Variants in CFAP157 observed in about 807,000 individuals in gnomAD.
CFAP157 encodes the protein cilia and flagella associated protein 157, also known as cilia- and flagella-associated protein 157.
Under a neutral mutation model 57.8 loss-of-function variants are expected in CFAP157, and 43 were observed. That is an observed-to-expected ratio of 0.74 (90% CI 0.58 to 0.96). CFAP157 has a LOEUF of 0.96. CFAP157 is among the 40% of genes least tolerant of loss of function. The probability of loss-of-function intolerance (pLI) is 0.00; values close to 1 mark genes in which losing one functional copy is unlikely to be tolerated. For missense variants in CFAP157, 606 were observed against 655.3 expected (o/e 0.92, Z 0.82); for synonymous variants, 267 against 269.0 (o/e 0.99, Z 0.07).
chr9:127,715,874 T>C lies in CFAP157; in HGVS notation c.*1969T>C, dbSNP rs899747080. On this transcript the variant is annotated 3_prime_UTR_variant, in exon 9 of 9. Coordinates refer to ENST00000373295, the MANE Select transcript of CFAP157 (RefSeq NM_001012502.3). The surrounding 1 kb of genome is among the most constrained non-coding windows in gnomAD (Gnocchi z 5.8). ...GACTTGTGTGGGACGCTCGGAGCTC[T>C]TGCTTGACCTTCGGTTGGGAGGCCT... 6 of 858,218 alleles carry C rather than the reference T, an allele frequency of 7.0e-6. No individual in the cohort carries two copies. In the African/African-American group the frequency reaches 8.6e-5, roughly 12 times the overall value. The allele number at this position is 858,218 out of a possible 1,614,324, so 53.2% of individuals were successfully genotyped here.
rs2131602627 is a variant in CFAP157, at chr9:127,715,367, C to T, written c.*1462C>T. The T allele has an allele frequency of 2.4e-6, 3 of 1,237,094 alleles. No homozygotes were observed. Among genetic ancestry groups the T allele is most frequent in the Non-Finnish European group, 3.4e-6 (3 of 872,278 alleles). The allele number at this position is 1,237,094 out of a possible 1,614,324, so 76.6% of individuals were successfully genotyped here. On this transcript the variant is annotated 3_prime_UTR_variant, in exon 9 of 9. Coordinates refer to ENST00000373295, the MANE Select transcript of CFAP157 (RefSeq NM_001012502.3). The surrounding 1 kb of genome is among the most constrained non-coding windows in gnomAD (Gnocchi z 5.8). ...CCCCTGAGAACTCCAGAAGGCTGGG[C>T]AGGCAGGGCGCCCTAGTGCAGGAAC...
chr9:127,713,827 C>G lies in CFAP157; in HGVS notation c.1492-7C>G, dbSNP rs535374042. 6.2e-7 allele frequency: 1 copy of G among 1,613,130 alleles called. No individual in the cohort carries two copies. The highest frequency in any genetic ancestry group is 1.3e-5 in the African/African-American group (1 of 75,008). On this transcript the variant is annotated splice_region_variant and splice_polypyrimidine_tract_variant and intron_variant, in intron 8 of 8. Coordinates refer to ENST00000373295, the MANE Select transcript of CFAP157 (RefSeq NM_001012502.3). ...CGGCCTCCAAGCCAGCATCTTTAAT[C>G]TTACAGATGCGTGCCCCTGGTTCTC...
At position 127,709,545 on chromosome 9, in the gene CFAP157, G is replaced by A. The variant is rs1398266949; in HGVS notation, c.285G>A (p.Val95=). 1 of 1,614,144 alleles carries A rather than the reference G, an allele frequency of 6.2e-7. No homozygotes were observed. Among genetic ancestry groups the A allele is most frequent in the East Asian group, 2.2e-5 (1 of 44,882 alleles). The change falls in exon 2 of 9, where the codon GTG becomes GTA. Residue 95 remains valine, a synonymous_variant. Transcript: ENST00000373295. This position sits in a 1 kb window ranked among gnomAD's most constrained non-coding sequence, Gnocchi z 4.7. ...AFLKRTLNQQ[V]DEITDLNEQL... Reference sequence around the variant, plus strand: ...TCAAGCGCACGCTCAACCAGCAGGTGGATGAGATCACAGACCTCAACGAGC... The same window carrying A: ...TCAAGCGCACGCTCAACCAGCAGGTAGATGAGATCACAGACCTCAACGAGC...
Position 127,714,940 on chromosome 9 carries a change from G to GT in CFAP157, c.*1035_*1036insT. On this transcript the variant is annotated 3_prime_UTR_variant, in exon 9 of 9. Coordinates refer to ENST00000373295, the MANE Select transcript of CFAP157 (RefSeq NM_001012502.3). ...CCCGCGCCCCAACCCCCACCCCCTT[G>GT]GCCCGCCCGCCCACCCCTGGCGCTC... The GT allele has an allele frequency of 3.5e-6, 1 of 282,396 alleles. No homozygotes were observed. The highest frequency in any genetic ancestry group is 6.5e-6 in the Non-Finnish European group (1 of 153,794). 17.5% of individuals were successfully genotyped at this position (282,396 alleles called of 1,614,324 possible). A position where few individuals can be genotyped will look rare whatever the true frequency, so the allele number is the denominator to read the frequency against.
chr9:127,714,539 C>T lies in CFAP157; in HGVS notation c.*634C>T, dbSNP rs1842869307. The T allele has an allele frequency of 6.3e-7, 1 of 1,592,520 alleles. No homozygotes were observed. Among genetic ancestry groups the T allele is most frequent in the Non-Finnish European group, 8.6e-7 (1 of 1,160,882 alleles). ...TTCCTGTGGAGACTGGGTCAGCAGC[C>T]CTACTCCACCCCAACTGGGAGGCCT... is the stretch of plus-strand genomic sequence containing the variant. On this transcript the variant is annotated 3_prime_UTR_variant, in exon 9 of 9. Coordinates refer to ENST00000373295, the MANE Select transcript of CFAP157 (RefSeq NM_001012502.3).
At position 127,715,876 on chromosome 9, in the gene CFAP157, G is replaced by T; in HGVS notation, c.*1971G>T. On this transcript the variant is annotated 3_prime_UTR_variant, in exon 9 of 9. Transcript: ENST00000373295. This position sits in a 1 kb window ranked among gnomAD's most constrained non-coding sequence, Gnocchi z 5.8. ...CTTGTGTGGGACGCTCGGAGCTCTT[G>T]CTTGACCTTCGGTTGGGAGGCCTTG... The T allele has an allele frequency of 1.2e-6, 1 of 862,234 alleles. No homozygotes were observed. The highest frequency in any genetic ancestry group is 1.8e-6 in the Non-Finnish European group (1 of 569,238). 53.4% of individuals were successfully genotyped at this position (862,234 alleles called of 1,614,324 possible). A position where few individuals can be genotyped will look rare whatever the true frequency, so the allele number is the denominator to read the frequency against.
intron 8 of CFAP157, 34 bp from the exon 9 acceptor site, chr9:127,713,800 C>T (rs1479480507): frequency 1.3e-6 from 2 of 1,598,066 alleles, no homozygotes; most frequent in Middle Eastern, 1.7e-4. Context: ...AGCCACTGCA[C>T]CCGGCCTCCA....
chr9:127,715,847 G>C lies in CFAP157; in HGVS notation c.*1942G>C. 2.0e-6 allele frequency: 2 copies of C among 1,018,564 alleles called. No individual in the cohort carries two copies. The highest frequency in any genetic ancestry group is 1.4e-6 in the Non-Finnish European group (1 of 702,602). The allele number at this position is 1,018,564 out of a possible 1,614,324, so 63.1% of individuals were successfully genotyped here. On this transcript the variant is annotated 3_prime_UTR_variant, in exon 9 of 9. Coordinates refer to ENST00000373295, the MANE Select transcript of CFAP157 (RefSeq NM_001012502.3). The surrounding 1 kb of genome is among the most constrained non-coding windows in gnomAD (Gnocchi z 5.8). ...TAGCGCGGCGTCACAGTGTCCCTTC[G>C]GGACTTGTGTGGGACGCTCGGAGCT...
chr9:127,712,780 A>G lies in CFAP157; in HGVS notation c.1209A>G (p.Gln403=), dbSNP rs1322269136. 6.2e-7 allele frequency: 1 copy of G among 1,614,080 alleles called. No homozygotes were observed. The highest frequency in any genetic ancestry group is 2.2e-5 in the East Asian group (1 of 44,894). ...CATGGCACAAGGAGATGCTGCAGCA[A>G]CTGCTGGTCATGCTCAGCTCCACTG... ...FQPWHKEMLQ[Q]LLVMLSSTVA... The change falls in exon 7 of 9, where the codon CAA becomes CAG. Residue 403 remains glutamine, a synonymous_variant. Coordinates refer to ENST00000373295, the MANE Select transcript of CFAP157 (RefSeq NM_001012502.3).
chr9:127,709,033 G>A lies in CFAP157; in HGVS notation c.162-389G>A, dbSNP rs1210892819. 6.6e-5 allele frequency among the ~76,000 whole-genome samples: 10 copies of A among 152,184 alleles called. 1 individual carries two copies. Among genetic ancestry groups the A allele is most frequent in the Admixed American group, 6.5e-4 (10 of 15,284 alleles). ...ACTCAGAGTTCCTTTATCCTTCTGA[G>A]CCTCAGTTTCCTCATCTGTCAAATA... On this transcript the variant is annotated intron_variant, in intron 1 of 8. Coordinates refer to ENST00000373295, the MANE Select transcript of CFAP157 (RefSeq NM_001012502.3). This position sits in a 1 kb window ranked among gnomAD's most constrained non-coding sequence, Gnocchi z 4.7.
At position 127,715,886 on chromosome 9, in the gene CFAP157, CG is replaced by C; in HGVS notation, c.*1983del. On this transcript the variant is annotated 3_prime_UTR_variant, in exon 9 of 9. Transcript: ENST00000373295. The surrounding 1 kb of genome is among the most constrained non-coding windows in gnomAD (Gnocchi z 5.8). ...ACGCTCGGAGCTCTTGCTTGACCTTCGGTTGGGAGGCCTTGTTATGCCCCCC... is the reference window on the plus strand; with the variant it reads ...ACGCTCGGAGCTCTTGCTTGACCTTCGTTGGGAGGCCTTGTTATGCCCCCC... 1 of 817,194 alleles carries C rather than the reference CG, an allele frequency of 1.2e-6. No homozygotes were observed. The highest frequency in any genetic ancestry group is 3.5e-4 in the Middle Eastern group (1 of 2,862). 50.6% of individuals were successfully genotyped at this position (817,194 alleles called of 1,614,324 possible). A position where few individuals can be genotyped will look rare whatever the true frequency, so the allele number is the denominator to read the frequency against.
chr9:127,710,925 G>A (rs1842752254), intron 3 of CFAP157, among the ~76,000 whole-genome samples, 171 bp downstream of exon 3: 1 of 152,164 alleles, frequency 6.6e-6, no homozygotes, highest in African/African-American at 2.4e-5. Context: ...GGAGGGGTGG[G>A]AGAAAAGGAA....
rs995528905 is a variant in CFAP157, at chr9:127,715,895, G to A, written c.*1990G>A. The A allele has an allele frequency of 2.5e-6, 2 of 797,636 alleles. No individual in the cohort carries two copies. The highest frequency in any genetic ancestry group is 5.8e-5 in the Admixed American group (2 of 34,506). The allele number at this position is 797,636 out of a possible 1,614,324, so 49.4% of individuals were successfully genotyped here. On this transcript the variant is annotated 3_prime_UTR_variant, in exon 9 of 9. Transcript: ENST00000373295. The surrounding 1 kb of genome is among the most constrained non-coding windows in gnomAD (Gnocchi z 5.8). ...GCTCTTGCTTGACCTTCGGTTGGGA[G>A]GCCTTGTTATGCCCCCCGCTATGGC...
At position 127,713,075 on chromosome 9, in the gene CFAP157, A is replaced by G. The variant is rs776332587; in HGVS notation, c.1360A>G (p.Ile454Val). 4.3e-6 allele frequency: 7 copies of G among 1,613,758 alleles called. No homozygotes were observed. The highest frequency in any genetic ancestry group is 2.2e-5 in the East Asian group (1 of 44,896). Residue 454 changes from isoleucine (I) to valine (V), a missense_variant, in exon 8 of 9, where the codon ATC becomes GTC. Coordinates refer to ENST00000373295, the MANE Select transcript of CFAP157 (RefSeq NM_001012502.3). ...TGSLLPQLSD[I>V]TPYQPGDLGL... The stretch of plus-strand genomic sequence containing the variant: ...GTCTCTGCTGCCGCAGCTCTCTGAC[A>G]TCACCCCCTACCAGCCGGGGGATCT...
At position 127,709,502 on chromosome 9, in the gene CFAP157, A is replaced by G; in HGVS notation, c.242A>G (p.Lys81Arg). The stretch of plus-strand genomic sequence containing the variant: ...TTTGAGCAGCTGGCCAATAACAAGA[A>G]GGAGATTGTGGCCTTCCTCAAGCGC... Reference protein sequence around the residue: ...QEFEQLANNKKEIVAFLKRTL... With the variant: ...QEFEQLANNKREIVAFLKRTL... Residue 81 changes from lysine to arginine, a missense_variant, in exon 2 of 9, where the codon AAG becomes AGG. Physicochemically the swap from Lys to Arg is conservative, Grantham distance 26. Coordinates refer to ENST00000373295, the MANE Select transcript of CFAP157 (RefSeq NM_001012502.3). This position sits in a 1 kb window ranked among gnomAD's most constrained non-coding sequence, Gnocchi z 4.7. 6.2e-7 allele frequency: 1 copy of G among 1,614,092 alleles called. No homozygotes were observed.
rs1385041029 is a variant in CFAP157 at position 127,715,816 on chromosome 9, C to G, written c.*1911C>G. 1 of 1,261,632 alleles carries G rather than the reference C, an allele frequency of 7.9e-7. No homozygotes were observed. The highest frequency in any genetic ancestry group is 1.1e-6 in the Non-Finnish European group (1 of 919,574). 78.2% of individuals were successfully genotyped at this position (1,261,632 alleles called of 1,614,324 possible). A position where few individuals can be genotyped will look rare whatever the true frequency, so the allele number is the denominator to read the frequency against. On this transcript the variant is annotated 3_prime_UTR_variant, in exon 9 of 9. Transcript: ENST00000373295. This position sits in a 1 kb window ranked among gnomAD's most constrained non-coding sequence, Gnocchi z 5.8. ...TGGCCGAGTCCGGGAACCCAGGCGC[C>G]TTCAGTAGCGCGGCGTCACAGTGTC... is the stretch of plus-strand genomic sequence containing the variant.
At position 127,713,894 on chromosome 9, in the gene CFAP157, C is replaced by G; in HGVS notation, c.1552C>G (p.Arg518Gly). 2 of 1,613,926 alleles carry G rather than the reference C, an allele frequency of 1.2e-6. No homozygotes were observed. The highest frequency in any genetic ancestry group is 1.7e-6 in the Non-Finnish European group (2 of 1,179,888). Residue 518 changes from arginine (R) to glycine (G), a missense_variant, in exon 9 of 9, where the codon CGT (arginine) becomes GGT (glycine). Physicochemically the swap from Arg to Gly is moderately radical, Grantham distance 125. Transcript: ENST00000373295. ...GTTTAGTCTTCCTGAAGTTCCCCTACGTCCCAAGTAGGACACAGAGAGAAG... is the reference window on the plus strand; with the variant it reads ...GTTTAGTCTTCCTGAAGTTCCCCTAGGTCCCAAGTAGGACACAGAGAGAAG... ...EKFSLPEVPL[R>G]PK is the part of the protein sequence containing the mutation.
Position 127,714,779 on chromosome 9 carries a change from G to A in CFAP157, c.*874G>A, listed in dbSNP as rs1258741816. On this transcript the variant is annotated 3_prime_UTR_variant, in exon 9 of 9. Transcript: ENST00000373295. ...CACTGTCCCGACTCCCATGATGAGG[G>A]ACCACAACTAATCCCACTTCACATA... is the stretch of plus-strand genomic sequence containing the variant. 2.5e-5 allele frequency: 31 copies of A among 1,264,622 alleles called. No individual in the cohort carries two copies. Among genetic ancestry groups the A allele is most frequent in the Non-Finnish European group, 3.4e-5 (30 of 885,138 alleles). The allele number at this position is 1,264,622 out of a possible 1,614,324, so 78.3% of individuals were successfully genotyped here.
rs1411874720 is a variant in CFAP157, at chr9:127,713,336, A to C, written c.1491+130A>C. 4.2e-6 allele frequency: 3 copies of C among 717,628 alleles called. No homozygotes were observed. In the East Asian group the frequency reaches 8.8e-5, roughly 21 times the overall value. 44.5% of individuals were successfully genotyped at this position (717,628 alleles called of 1,614,324 possible). On this transcript the variant is annotated intron_variant, in intron 8 of 8. Coordinates refer to ENST00000373295, the MANE Select transcript of CFAP157 (RefSeq NM_001012502.3). ...ATCTCTCTGAGCCTTCCCATCTGTA[A>C]AATGGGCTGAAGAAAGGAGTGGCCA...
Sources: gnomAD v4.1 joint callset for allele counts (sites outside exome capture counted in the v4.1 genomes callset) on GRCh38, gnomAD v4.1.1 for gene constraint, Gnocchi (gnomAD v3.1) non-coding constraint, MANE v1.5 for transcripts, NCBI Gene and HGNC (gene_info 2026-07-23, HGNC 2026-07-21) for gene names.